The following PDE4B variants were observed in gnomAD, a reference collection of about 807,000 sequenced individuals.
PDE4B encodes phosphodiesterase 4B.
Under a neutral mutation model 82.2 loss-of-function variants are expected in PDE4B, and 20 were observed. That is an observed-to-expected ratio of 0.24 (90% CI 0.17 to 0.35). The LOEUF (loss-of-function observed/expected upper bound fraction) is 0.35, where lower values mean the gene tolerates loss of function less well. PDE4B is among the 10% of genes least tolerant of loss of function. The pLI is 1.00. For missense variants in PDE4B, 655 were observed against 907.2 expected, an observed-to-expected ratio of 0.72 and a Z score of 3.57; for synonymous variants, 320 against 318.9, an observed-to-expected ratio of 1.00 and a Z score of -0.04.
chr1:66,257,113 T>A (rs533372196), intron 4 of PDE4B, among the ~76,000 whole-genome samples: 1 of 152,194 alleles, frequency 6.6e-6, no homozygotes, highest in Non-Finnish European at 1.5e-5. Context: ...AAGCTTTTCC[T>A]TAGGTACTTT....
At chr1:65,852,454 C>T (rs993744899) in intron 1 of PDE4B, among the ~76,000 whole-genome samples, 2 of 151,592 alleles carry the variant, frequency 1.3e-5, no homozygotes, top group Non-Finnish European at 3.0e-5. Context: ...TTTTTAACTC[C>T]TGTTTTTATC....
intron 3 of PDE4B, among the ~76,000 whole-genome samples, chr1:65,926,260 G>A (rs1647493438): frequency 6.6e-6 from 1 of 152,128 alleles, no homozygotes; most frequent in Non-Finnish European, 1.5e-5. Flanking sequence ...TTCTTTAGTA[G>A]CATCAAGAAA....
At chr1:66,100,422 C>T (rs1645199684) in intron 3 of PDE4B, among the ~76,000 whole-genome samples, 1 of 152,034 alleles carries the variant, frequency 6.6e-6, no homozygotes, top group African/African-American at 2.4e-5. Flanking sequence ...GGGATTTGGG[C>T]TGATGTGTTC....
chr1:66,165,349 G>A (rs694185), intron 3 of PDE4B, among the ~76,000 whole-genome samples: 2 of 152,144 alleles, frequency 1.3e-5, no homozygotes, highest in African/African-American at 4.8e-5. Context: ...TTTTTTCTAA[G>A]ACTATTATCT....
chr1:66,144,724 G>T (rs1452525583), intron 3 of PDE4B, among the ~76,000 whole-genome samples: 5 of 152,102 alleles, frequency 3.3e-5, no homozygotes, highest in Admixed American at 3.3e-4. Context: ...GGAGGATAAG[G>T]GATATTCAAC....
At chr1:65,885,855 TATAATAATAATAATAATA>T (rs34224891) in intron 1 of PDE4B, among the ~76,000 whole-genome samples, 5 of 141,376 alleles carry the variant, frequency 3.5e-5, no homozygotes, top group African/African-American at 8.0e-5. Flanking sequence ...AAACTTAACG[TATAATAATAATAATAATA>T]ATAATAATAA....
chr1:65,941,638 A>G (rs370402700), intron 3 of PDE4B, among the ~76,000 whole-genome samples: 38 of 152,062 alleles, frequency 2.5e-4, no homozygotes, highest in African/African-American at 8.7e-4. Context: ...ACAAAACAGA[A>G]AAAAACTTTC....
chr1:66,247,364 A>T, intron 3 of PDE4B, 96 bp from the exon 4 acceptor site: 1 of 655,692 alleles, frequency 1.5e-6, no homozygotes, highest in Non-Finnish European at 2.5e-6. Context: ...TAAAATGCTT[A>T]GTGTATAGTA....
intron 3 of PDE4B, among the ~76,000 whole-genome samples, chr1:65,951,362 A>T (rs761300218): frequency 1.3e-5 from 2 of 151,968 alleles, no homozygotes; most frequent in East Asian, 3.9e-4. Flanking sequence ...AAGAGAAGGG[A>T]TGATACAAAA....
At chr1:66,078,462 G>A (rs949404134) in intron 3 of PDE4B, among the ~76,000 whole-genome samples, 14 of 151,906 alleles carry the variant, frequency 9.2e-5, no homozygotes, top group Admixed American at 7.9e-4. Context: ...TGCCCACCTC[G>A]GTCTCCCAAA....
intron 3 of PDE4B, among the ~76,000 whole-genome samples, chr1:65,919,400 T>C (rs191806584): frequency 6.6e-6 from 1 of 152,346 alleles, no homozygotes; most frequent in Admixed American, 6.5e-5. Context: ...TAAACCAGTG[T>C]TGAAAAGTTA....
chr1:66,092,153 C>A (rs913911648), intron 3 of PDE4B, among the ~76,000 whole-genome samples: 5 of 151,952 alleles, frequency 3.3e-5, no homozygotes, highest in African/African-American at 1.2e-4. Context: ...TAAAGTAATG[C>A]ACACTTAGAA....
At chr1:66,229,765 A>G (rs905756228) in intron 3 of PDE4B, among the ~76,000 whole-genome samples, 1 of 152,036 alleles carries the variant, frequency 6.6e-6, no homozygotes, top group African/African-American at 2.4e-5. Flanking sequence ...AAAACCCTGC[A>G]GAGCTGAACT....
intron 1 of PDE4B, among the ~76,000 whole-genome samples, chr1:65,843,139 C>A (rs950602423): frequency 4.3e-4 from 65 of 152,038 alleles, no homozygotes; most frequent in Non-Finnish European, 1.8e-4. Context: ...GAGCTGGAGT[C>A]ATTCTGAAGG....
At chr1:66,085,413 G>A (rs1287938109) in intron 3 of PDE4B, among the ~76,000 whole-genome samples, 1 of 152,146 alleles carries the variant, frequency 6.6e-6, no homozygotes, top group Non-Finnish European at 1.5e-5. Flanking sequence ...AAATGGCTTG[G>A]AAGAAGTCAT....
chr1:65,872,298 T>A (rs185035650), intron 1 of PDE4B, among the ~76,000 whole-genome samples: 1 of 152,302 alleles, frequency 6.6e-6, no homozygotes, highest in East Asian at 1.9e-4. Context: ...TGCAATTTAT[T>A]GAATAATTGT....
intron 9 of PDE4B, among the ~76,000 whole-genome samples, chr1:66,358,732 A>G (rs983802465): frequency 1.3e-5 from 2 of 152,112 alleles, no homozygotes; most frequent in African/African-American, 4.8e-5. Flanking sequence ...TTCCTGTAAG[A>G]CCATGGCAAC....
chr1:66,306,807 T>A (rs1658310625), intron 7 of PDE4B, among the ~76,000 whole-genome samples: 1 of 152,150 alleles, frequency 6.6e-6, no homozygotes, highest in South Asian at 2.1e-4. Flanking sequence ...TGCCCTATTT[T>A]CCCTAAACAG....
intron 7 of PDE4B, among the ~76,000 whole-genome samples, chr1:66,314,055 G>A (rs1658853071): frequency 6.6e-6 from 1 of 152,134 alleles, no homozygotes; most frequent in Non-Finnish European, 1.5e-5. Context: ...GTCACCCTTT[G>A]TGATGATTTT....
Sources: gnomAD v4.1 joint callset for allele counts (sites outside exome capture counted in the v4.1 genomes callset) on GRCh38, gnomAD v4.1.1 for gene constraint, MANE v1.5 for transcripts, NCBI Gene and HGNC (gene_info 2026-07-23, HGNC 2026-07-21) for gene names.